Variants in LPIN3 observed in about 807,000 individuals in gnomAD.
The protein encoded by LPIN3 is phosphatidate phosphatase LPIN3.
In LPIN3, 82 loss-of-function variants were observed where a neutral mutation model predicts 94.7. The observed-to-expected ratio is 0.87, with a 90% CI of 0.72 to 1.04. The LOEUF (loss-of-function observed/expected upper bound fraction) is 1.04, where lower values mean the gene tolerates loss of function less well. LPIN3 is among the 50% of genes least tolerant of loss of function. LPIN3 has a pLI of 0.00. For missense variants in LPIN3, 996 were observed against 1,090.5 expected (o/e 0.91, Z 1.22); for synonymous variants, 418 against 443.3 (o/e 0.94, Z 0.72).
At chr20:41,352,773 T>C in intron 10 of LPIN3, 25 bp from the exon 11 acceptor site, 1 of 1,613,834 alleles carries the variant, frequency 6.2e-7, no homozygotes, top group East Asian at 2.2e-5. Flanking sequence ...CTGCTGCAGC[T>C]TGATGCCCTG....
At chr20:41,356,699 G>A (rs942633360) in intron 14 of LPIN3, among the ~76,000 whole-genome samples, 3 of 152,198 alleles carry the variant, frequency 2.0e-5, no homozygotes, top group Non-Finnish European at 4.4e-5. Flanking sequence ...ATGGAGGGGG[G>A]TGTTTTCCTG....
At chr20:41,357,294 G>GC in intron 15 of LPIN3, 67 bp from the exon 16 acceptor site, 1 of 1,600,884 alleles carries the variant, frequency 6.2e-7, no homozygotes, top group African/African-American at 1.3e-5. Flanking sequence ...TTCCTGGTGG[G>GC]CCATCCTGGG....
At chr20:41,348,118 C>T (rs1039432118) in intron 3 of LPIN3, among the ~76,000 whole-genome samples, 3 of 152,142 alleles carry the variant, frequency 2.0e-5, no homozygotes, top group African/African-American at 7.2e-5. Context: ...TGAAACAGAA[C>T]TTGAAAAACT....
chr20:41,342,851 T>A (rs2045636211), intron 1 of LPIN3, among the ~76,000 whole-genome samples: 2 of 152,126 alleles, frequency 1.3e-5, no homozygotes, highest in South Asian at 4.1e-4. Flanking sequence ...TCTAAAAAAC[T>A]GAGGCCTTGG....
chr20:41,350,053 A>T lies in LPIN3; in HGVS notation c.760-2A>T. On this transcript the variant is annotated splice_acceptor_variant, in intron 6 of 19. Coordinates refer to ENST00000373257, the MANE Select transcript of LPIN3 (RefSeq NM_022896.3). LOFTEE classifies it high-confidence loss of function. ...CATCTTCCTCCATTTGTTCCACTAA[A>T]GGTGGCCAGAGCTGAGCGGCCCGAG... is the stretch of plus-strand genomic sequence containing the variant. 6.3e-7 allele frequency: 1 copy of T among 1,590,172 alleles called. No individual in the cohort carries two copies.
chr20:41,345,792 CCAG>C lies in LPIN3; in HGVS notation c.-8-1_-7del. ...TTGTGCAAGCCACTGCCTTTCTTTG[CCAG>C]CACCAGCCATGAACTACGTGGGGCA... On this transcript the variant is annotated splice_acceptor_variant and splice_polypyrimidine_tract_variant and intron_variant, in intron 1 of 19. Transcript: ENST00000373257. LOFTEE classifies it low-confidence loss of function (5UTR_SPLICE). The C allele has an allele frequency of 6.2e-7, 1 of 1,601,836 alleles. No homozygotes were observed. The highest frequency in any genetic ancestry group is 8.5e-7 in the Non-Finnish European group (1 of 1,171,246).
rs758972856 is a variant in LPIN3 at position 41,345,941 on chromosome 20, A to G, written c.138A>G (p.Ser46=). 1.4e-5 allele frequency: 23 copies of G among 1,613,866 alleles called. No homozygotes were observed. In the African/African-American group the frequency reaches 2.9e-4, roughly 21 times the overall value. Reference sequence around the variant, plus strand: ...AGGTGGACGGCTCGTTCCGGTGCTCACCCTTCCACGTGCGTTTTGGCAAGC... The same window carrying G: ...AGGTGGACGGCTCGTTCCGGTGCTCGCCCTTCCACGTGCGTTTTGGCAAGC... ...VKQVDGSFRC[S]PFHVRFGKLG... The change falls in exon 2 of 20, where the codon TCA becomes TCG. Residue 46 remains serine, a synonymous_variant. Transcript: ENST00000373257.
chr20:41,356,247 C>A (rs1299985994), intron 14 of LPIN3, among the ~76,000 whole-genome samples: 2 of 152,194 alleles, frequency 1.3e-5, no homozygotes, highest in Non-Finnish European at 2.9e-5. Context: ...GTCTGTCAGA[C>A]ACCGGGAAAG....
intron 11 of LPIN3, among the ~76,000 whole-genome samples, chr20:41,353,619 C>T (rs1027395245): frequency 6.6e-6 from 1 of 152,230 alleles, no homozygotes; most frequent in Non-Finnish European, 1.5e-5. Context: ...AGCCTCTTTA[C>T]TCTTCCCAGA....
Position 41,355,017 on chromosome 20 carries a change from GT to G in LPIN3, c.1664+159del, listed in dbSNP as rs964015702. ...AGCACCAAGCACTTCTTTTTTTGTT[GT>G]TTTTGTTTGTTTTTGAGACAGAGTC... On this transcript the variant is annotated intron_variant, in intron 13 of 19. Transcript: ENST00000373257. Among the ~76,000 whole-genome samples, 29 of 151,276 alleles carry G rather than the reference GT, an allele frequency of 1.9e-4. 1 individual carries two copies. Among genetic ancestry groups the G allele is most frequent in the Admixed American group, 1.5e-3 (23 of 15,224 alleles).
rs779154154 is a variant in LPIN3, at chr20:41,354,823, A to G, written c.1624A>G (p.Ser542Gly). The stretch of plus-strand genomic sequence containing the variant: ...CTAATGGATGTTCTTTCCACAGCGC[A>G]GTGCCCAGAAGGAGAAGACTGCAGC... ...RRRDFLAEER[S>G]AQKEKTAAKE... The change falls in exon 13 of 20, where the codon AGT (serine) becomes GGT (glycine). Residue 542 changes from serine (S) to glycine (G), a missense_variant. By Grantham distance (56) the Ser-to-Gly change is moderately conservative. Coordinates refer to ENST00000373257, the MANE Select transcript of LPIN3 (RefSeq NM_022896.3). 33 of 1,599,086 alleles carry G rather than the reference A, an allele frequency of 2.1e-5. No homozygotes were observed. Among genetic ancestry groups the G allele is most frequent in the Non-Finnish European group, 2.6e-5 (31 of 1,172,712 alleles).
chr20:41,345,689 G>A, intron 1 of LPIN3, 107 bp from the exon 2 acceptor site: 1 of 1,210,292 alleles, frequency 8.3e-7, no homozygotes, highest in Non-Finnish European at 1.2e-6. Context: ...GGCACTCCAA[G>A]GCGTGACACA....
rs764655015 is a variant in LPIN3 at position 41,357,073 on chromosome 20, G to C, written c.1837G>C (p.Val613Leu). The C allele has an allele frequency of 4.3e-6, 7 of 1,613,894 alleles. No individual in the cohort carries two copies. The highest frequency in any genetic ancestry group is 5.9e-6 in the Non-Finnish European group (7 of 1,179,916). ...GAACCTGCAAGAAGGTGCCAATGAT[G>C]TGGTCTTCAGCGTGACCACTCAGTA... Reference protein sequence around the residue: ...RLNLQEGANDVVFSVTTQYQG... With the variant: ...RLNLQEGANDLVFSVTTQYQG... Residue 613 changes from valine to leucine, a missense_variant, in exon 15 of 20, where the codon GTG becomes CTG. Val to Leu is a conservative substitution (Grantham distance 32, BLOSUM62 1). Transcript: ENST00000373257.
chr20:41,356,123 C>T, intron 14 of LPIN3, 89 bp downstream of exon 14: 1 of 1,531,050 alleles, frequency 6.5e-7, no homozygotes, highest in Admixed American at 1.8e-5. Flanking sequence ...GAAATGGCTC[C>T]AGGGAGCCAC....
At chr20:41,350,452 G>A in intron 7 of LPIN3, 55 bp downstream of exon 7, 2 of 1,397,340 alleles carry the variant, frequency 1.4e-6, no homozygotes, top group African/African-American at 1.4e-5. Context: ...TGTCCCCTGG[G>A]TGGGTGCTGG....
At chr20:41,354,258 C>A (rs1463801698) in intron 11 of LPIN3, among the ~76,000 whole-genome samples, 2 of 152,114 alleles carry the variant, frequency 1.3e-5, no homozygotes, top group Non-Finnish European at 2.9e-5. Flanking sequence ...GAGGGGAGTA[C>A]CAGCTAAAGA....
chr20:41,352,762 G>C (rs1194723869), intron 10 of LPIN3, 36 bp from the exon 11 acceptor site: 2 of 1,613,384 alleles, frequency 1.2e-6, no homozygotes, highest in Admixed American at 3.3e-5. Flanking sequence ...CAACCCTGCA[G>C]CTGCTGCAGC....
At chr20:41,355,703 C>T (rs1415893518) in intron 13 of LPIN3, among the ~76,000 whole-genome samples, 193 bp from the exon 14 acceptor site, 1 of 152,204 alleles carries the variant, frequency 6.6e-6, no homozygotes, top group African/African-American at 2.4e-5. Context: ...TGTCACTTGG[C>T]TGGGTGGAGA....
intron 11 of LPIN3, 42 bp downstream of exon 11, chr20:41,352,909 C>T (rs759825931): frequency 3.1e-6 from 5 of 1,605,032 alleles, no homozygotes; most frequent in Non-Finnish European, 4.3e-6. Flanking sequence ...GGAAGGTAGC[C>T]ATAGACTCAG....
Sources: gnomAD v4.1 joint callset for allele counts (sites outside exome capture counted in the v4.1 genomes callset) on GRCh38, gnomAD v4.1.1 for gene constraint, MANE v1.5 for transcripts, NCBI Gene and HGNC (gene_info 2026-07-23, HGNC 2026-07-21) for gene names.